Variants in GLI2 observed in about 807,000 individuals in gnomAD.
The protein encoded by GLI2 is GLI family zinc finger 2.
GLI2 carries 22 observed loss-of-function variants against 78.9 expected under a neutral mutation model. The observed-to-expected ratio is 0.28, with a 90% CI of 0.20 to 0.40. The LOEUF is 0.40. Among genes scored for constraint, GLI2 ranks in the 10% least tolerant of loss-of-function variants. The pLI is 1.00. For synonymous variants in GLI2, 974 were observed against 963.7 expected, an observed-to-expected ratio of 1.01 and a Z score of -0.20; for missense variants, 2,097 against 2,213.2, an observed-to-expected ratio of 0.95 and a Z score of 1.05.
intron 3 of GLI2, among the ~76,000 whole-genome samples, chr2:120,931,874 G>A (rs1404049441): frequency 6.6e-6 from 1 of 152,172 alleles, no homozygotes; most frequent in Non-Finnish European, 1.5e-5. Flanking sequence ...ATGGGCAGCA[G>A]CATGGTGCTC....
intron 2 of GLI2, among the ~76,000 whole-genome samples, chr2:120,909,959 T>C (rs1178156691): frequency 6.6e-6 from 1 of 152,184 alleles, no homozygotes; most frequent in Non-Finnish European, 1.5e-5. Flanking sequence ...TCCTACAGAT[T>C]TATTCCATAA....
intron 2 of GLI2, among the ~76,000 whole-genome samples, chr2:120,818,123 C>T (rs1378470616): frequency 6.6e-6 from 1 of 152,164 alleles, no homozygotes; most frequent in Non-Finnish European, 1.5e-5. Context: ...TTCACAGCTG[C>T]CTGAACACTG....
chr2:120,959,093 G>A (rs1239024270), intron 5 of GLI2, among the ~76,000 whole-genome samples: 2 of 152,212 alleles, frequency 1.3e-5, no homozygotes, highest in African/African-American at 2.4e-5. Context: ...TGCCTTCCGG[G>A]CACTCAGCAT....
rs538436151 is a variant in GLI2, at chr2:120,818,183, C to T, written c.148+20715C>T. 2.6e-5 allele frequency among the ~76,000 whole-genome samples: 4 copies of T among 152,316 alleles called. No individual in the cohort carries two copies. The East Asian group carries it at 5.8e-4, about 22-fold the overall frequency. ...GGAGCTGGAGAGCTCCAAGGAGCCCCGCTTTCATCCCCGAGGGGTGGCAGT... is the reference window on the plus strand; with the variant it reads ...GGAGCTGGAGAGCTCCAAGGAGCCCTGCTTTCATCCCCGAGGGGTGGCAGT... On this transcript the variant is annotated intron_variant, in intron 2 of 13. Transcript: ENST00000361492.
intron 5 of GLI2, 32 bp downstream of exon 5, chr2:120,955,462 G>T: frequency 7.1e-7 from 1 of 1,409,962 alleles, no homozygotes; most frequent in Non-Finnish European, 9.7e-7. Flanking sequence ...CTGAGGATGG[G>T]GCTAGCAGAT....
At chr2:120,801,736 G>A (rs1363030853) in intron 2 of GLI2, among the ~76,000 whole-genome samples, 1 of 152,192 alleles carries the variant, frequency 6.6e-6, no homozygotes, top group Non-Finnish European at 1.5e-5. Flanking sequence ...GGAAAACCCA[G>A]GCAGGAGCTC....
chr2:120,923,490 G>T (rs1023955140), intron 2 of GLI2, among the ~76,000 whole-genome samples: 1 of 151,188 alleles, frequency 6.6e-6, no homozygotes, highest in Non-Finnish European at 1.5e-5. Flanking sequence ...ACATATGCAC[G>T]TATACGCAGT....
At chr2:120,884,214 C>T (rs768588856) in intron 2 of GLI2, among the ~76,000 whole-genome samples, 7 of 152,260 alleles carry the variant, frequency 4.6e-5, no homozygotes, top group South Asian at 2.1e-4. Flanking sequence ...GAGACCCAGG[C>T]GTGGGCTGCA....
At chr2:120,786,551 ACTTTTT>A (rs1214460012) in intron 1 of GLI2, among the ~76,000 whole-genome samples, 1 of 151,482 alleles carries the variant, frequency 6.6e-6, no homozygotes, top group Non-Finnish European at 1.5e-5. Context: ...AGAGATAAAC[ACTTTTT>A]TATTCATCTT....
At chr2:120,972,229 C>T (rs1349254908) in intron 8 of GLI2, among the ~76,000 whole-genome samples, 166 bp downstream of exon 8, 1 of 152,240 alleles carries the variant, frequency 6.6e-6, no homozygotes, top group African/African-American at 2.4e-5. Flanking sequence ...GACTTTCTCA[C>T]CACTGTGTTC....
intron 1 of GLI2, among the ~76,000 whole-genome samples, chr2:120,756,020 G>GTATTCT (rs1212511472): frequency 2.0e-5 from 3 of 152,094 alleles, no homozygotes; most frequent in Non-Finnish European, 4.4e-5. Flanking sequence ...AGCTCTCTAA[G>GTATTCT]TATTCTTTTT....
chr2:120,959,147 A>G (rs1023527838), intron 5 of GLI2, among the ~76,000 whole-genome samples: 1 of 152,162 alleles, frequency 6.6e-6, no homozygotes, highest in Non-Finnish European at 1.5e-5. Flanking sequence ...GCAGCAGAGG[A>G]GTGCAGAGGT....
chr2:120,828,176 T>C (rs1686181085), intron 2 of GLI2, among the ~76,000 whole-genome samples: 1 of 152,232 alleles, frequency 6.6e-6, no homozygotes, highest in Admixed American at 6.5e-5. Context: ...ATGACCAGTG[T>C]GTCACCCCCT....
At chr2:120,970,653 C>T in intron 7 of GLI2, 47 bp downstream of exon 7, 1 of 1,456,822 alleles carries the variant, frequency 6.9e-7, no homozygotes, top group Non-Finnish European at 9.6e-7. Context: ...CTCATCTGGA[C>T]ACATGAGGGT....
intron 2 of GLI2, among the ~76,000 whole-genome samples, chr2:120,815,702 C>G (rs1346053965): frequency 1.3e-5 from 2 of 149,670 alleles, no homozygotes; most frequent in South Asian, 2.1e-4. Context: ...AGTTAGAGTC[C>G]GATCAGTGGA....
chr2:120,772,042 C>T (rs1683536329), intron 1 of GLI2, among the ~76,000 whole-genome samples: 1 of 152,162 alleles, frequency 6.6e-6, no homozygotes, highest in Non-Finnish European at 1.5e-5. Flanking sequence ...CTCCCATTGC[C>T]TAACGCACAC....
chr2:120,829,346 T>C (rs1455582747), intron 2 of GLI2, among the ~76,000 whole-genome samples: 1 of 152,206 alleles, frequency 6.6e-6, no homozygotes, highest in Non-Finnish European at 1.5e-5. Flanking sequence ...GTCTTAAGTT[T>C]CTGACCAGGG....
chr2:120,852,851 G>T (rs750101814), intron 2 of GLI2, among the ~76,000 whole-genome samples: 1 of 152,234 alleles, frequency 6.6e-6, no homozygotes, highest in African/African-American at 2.4e-5. Flanking sequence ...TGCCCAGTGT[G>T]TGGCCACTGT....
Position 120,737,411 on chromosome 2 carries a change from G to C in GLI2, c.-31+1126G>C, listed in dbSNP as rs939013150. On this transcript the variant is annotated intron_variant, in intron 1 of 13. Transcript: ENST00000361492. This position sits in a 1 kb window ranked among gnomAD's most constrained non-coding sequence, Gnocchi z 4.3. ...TCGCTGAGGCTCTCGGGGACCTCGA[G>C]CCCCCCCGAGGGTGCCTCTTTCCAC... Among the ~76,000 whole-genome samples the C allele has an allele frequency of 2.6e-5, 4 of 152,076 alleles. No individual in the cohort carries two copies. The highest frequency in any genetic ancestry group is 5.9e-5 in the Non-Finnish European group (4 of 68,004).
Sources: allele counts gnomAD v4.1 joint callset (sites outside exome capture counted in the v4.1 genomes callset), GRCh38; gene constraint gnomAD v4.1.1; non-coding constraint Gnocchi (gnomAD v3.1); transcripts MANE v1.5; gene names NCBI Gene and HGNC (gene_info 2026-07-23, HGNC 2026-07-21).